Variants in ACTR3C observed in about 807,000 individuals in gnomAD.
ACTR3C encodes the protein actin related protein 3C, also known as actin-related protein 3C.
In ACTR3C, 18 loss-of-function variants were observed where a neutral mutation model predicts 26.3. That is an observed-to-expected ratio of 0.68 (90% CI 0.47 to 1.01). The LOEUF (loss-of-function observed/expected upper bound fraction) is 1.01, where lower values mean the gene tolerates loss of function less well. Ranked by LOEUF, ACTR3C falls within the 50% of genes least tolerant of loss-of-function variation. The pLI, the probability that ACTR3C is intolerant of heterozygous loss-of-function variation, is 0.00. For missense variants in ACTR3C, 184 were observed against 250.7 expected (o/e 0.73, Z 1.80); for synonymous variants, 55 against 94.5 (o/e 0.58, Z 2.42).
At chr7:150,240,566 C>G (rs6961945), downstream of ACTR3C, among the ~76,000 whole-genome samples, 16,970 of 151,874 alleles carry the variant, frequency 0.11, 1,658 homozygotes, top group African/African-American at 0.24. Context: ...ATGTATCCTA[C>G]AACTTTTTTT....
chr7:150,038,882 G>A, the ACTR3C span, among the ~76,000 whole-genome samples: 2 of 107,362 alleles, frequency 1.9e-5, no homozygotes, highest in African/African-American at 6.2e-5. Context: ...TGCCTCGCGG[G>A]GGGTGCCTCC....
At chr7:150,130,959 G>C in the ACTR3C span, among the ~76,000 whole-genome samples, 11 of 152,172 alleles carry the variant, frequency 7.2e-5, no homozygotes, top group African/African-American at 2.7e-4. Context: ...GCAGAGCACT[G>C]ATTTCCGAGG....
At chr7:149,981,713 A>G in the ACTR3C span, among the ~76,000 whole-genome samples, 2 of 151,838 alleles carry the variant, frequency 1.3e-5, no homozygotes, top group Non-Finnish European at 2.9e-5. Context: ...CACTGTTCCA[A>G]GGGCAGCCAG....
chr7:150,221,457 T>C, the ACTR3C span, among the ~76,000 whole-genome samples: 1 of 152,172 alleles, frequency 6.6e-6, no homozygotes, highest in African/African-American at 2.4e-5. Context: ...ATCACAAGTC[T>C]GAACAGGGGA....
the ACTR3C span, among the ~76,000 whole-genome samples, chr7:150,055,491 G>GT: frequency 5.6e-3 from 796 of 141,844 alleles, 8 homozygotes; most frequent in East Asian, 0.05. Flanking sequence ...GAGGGAGGGA[G>GT]TTTTTTTTTT....
At chr7:150,083,663 C>A in the ACTR3C span, among the ~76,000 whole-genome samples, 2 of 152,182 alleles carry the variant, frequency 1.3e-5, no homozygotes, top group Non-Finnish European at 2.9e-5. Flanking sequence ...ACTAACCAAC[C>A]TCTTGATGAT....
At chr7:150,057,412 C>T in the ACTR3C span, among the ~76,000 whole-genome samples, 1 of 151,654 alleles carries the variant, frequency 6.6e-6, no homozygotes. Flanking sequence ...TCCCAAGTAG[C>T]TAGAATTACA....
At chr7:149,942,351 A>G in the ACTR3C span, among the ~76,000 whole-genome samples, 1 of 151,986 alleles carries the variant, frequency 6.6e-6, no homozygotes, top group African/African-American at 2.4e-5. Flanking sequence ...AACTTCAAAA[A>G]CAATGTGGTA....
At chr7:150,309,059 T>G (rs1309440310) in intron 1 of ACTR3C, among the ~76,000 whole-genome samples, 1 of 152,134 alleles carries the variant, frequency 6.6e-6, no homozygotes, top group Non-Finnish European at 1.5e-5. Flanking sequence ...CACTGACACC[T>G]GCTTGCATCG....
the ACTR3C span, among the ~76,000 whole-genome samples, chr7:150,114,262 T>C: frequency 1.3e-5 from 2 of 152,174 alleles, no homozygotes; most frequent in African/African-American, 4.8e-5. Context: ...GGTCCCTACT[T>C]GCATGCATCC....
chr7:150,137,120 GC>G, the ACTR3C span, among the ~76,000 whole-genome samples: 1 of 152,200 alleles, frequency 6.6e-6, no homozygotes. Context: ...CTCCTGTGCA[GC>G]CCTGTTCCTC....
chr7:150,239,950 T>A, downstream of ACTR3C, among the ~76,000 whole-genome samples: 1 of 152,154 alleles, frequency 6.6e-6, no homozygotes, highest in Non-Finnish European at 1.5e-5. Flanking sequence ...AGATGGGTTT[T>A]TGCCATGTTG....
chr7:150,294,389 T>C (rs1584950936), intron 2 of ACTR3C, among the ~76,000 whole-genome samples: 1 of 152,190 alleles, frequency 6.6e-6, no homozygotes, highest in Admixed American at 6.5e-5. Context: ...AATCTGTGCT[T>C]CTAAAAACAT....
chr7:150,074,351 C>A, the ACTR3C span: 1 of 152,038 alleles, frequency 6.6e-6, no homozygotes, highest in Non-Finnish European at 1.5e-5. Context: ...ATAAAAGGTA[C>A]ATGGGGCAGA....
chr7:149,921,884 G>GAA, the ACTR3C span, among the ~76,000 whole-genome samples: 1 of 126,474 alleles, frequency 7.9e-6, no homozygotes, highest in Non-Finnish European at 1.8e-5. Context: ...CTCAAAAAAT[G>GAA]AAAAAAAAAA....
chr7:150,039,444 C>CCT, the ACTR3C span, among the ~76,000 whole-genome samples: 3 of 54,012 alleles, frequency 5.6e-5, 1 homozygote, highest in Non-Finnish European at 1.3e-4. Flanking sequence ...GTGCCTCCCC[C>CCT]CCTGCGATGG....
intron 7 of ACTR3C, 87 bp downstream of exon 7, chr7:150,248,861 T>C (rs1407836873): frequency 2.8e-5 from 12 of 430,754 alleles, no homozygotes; most frequent in South Asian, 6.3e-5. Context: ...CAATAAGCAA[T>C]TATGGGTTCT....
At chr7:150,204,086 TG>T in the ACTR3C span, among the ~76,000 whole-genome samples, 1 of 150,008 alleles carries the variant, frequency 6.7e-6, no homozygotes, top group Non-Finnish European at 1.5e-5. Flanking sequence ...GCTGTGCAAC[TG>T]GGTCAGGAAA....
the ACTR3C span, among the ~76,000 whole-genome samples, chr7:150,048,431 C>T: frequency 6.6e-6 from 1 of 151,974 alleles, no homozygotes; most frequent in Non-Finnish European, 1.5e-5. Flanking sequence ...AAAAAGGGTG[C>T]GAGGGTGCGT....
Sources: allele counts gnomAD v4.1 joint callset (sites outside exome capture counted in the v4.1 genomes callset), GRCh38; gene constraint gnomAD v4.1.1; transcripts MANE v1.5; gene names NCBI Gene and HGNC (gene_info 2026-07-23, HGNC 2026-07-21).